The following CDH20 variants were observed in gnomAD, a reference collection of about 807,000 sequenced individuals.
CDH20 encodes cadherin-20.
In CDH20, 29 loss-of-function variants were observed where a neutral mutation model predicts 74.2. That is an observed-to-expected ratio of 0.39 (90% CI 0.29 to 0.53). CDH20 has a LOEUF of 0.53. Ranked by LOEUF, CDH20 falls within the 20% of genes least tolerant of loss-of-function variation. CDH20 has a pLI of 0.69. For missense variants in CDH20, 988 were observed against 1,048.3 expected, an observed-to-expected ratio of 0.94 and a Z score of 0.79; for synonymous variants, 469 against 405.4, an observed-to-expected ratio of 1.16 and a Z score of -1.88.
chr18:61,335,743 A>T (rs1909736703), intron 1 of CDH20, among the ~76,000 whole-genome samples: 1 of 152,272 alleles, frequency 6.6e-6, no homozygotes, highest in Admixed American at 6.5e-5. Flanking sequence ...CTGGGAAAGG[A>T]CAGTCTATAA....
intron 1 of CDH20, among the ~76,000 whole-genome samples, chr18:61,483,388 T>C (rs1330424408): frequency 6.6e-6 from 1 of 152,196 alleles, no homozygotes; most frequent in African/African-American, 2.4e-5. Context: ...TGATAGGAGT[T>C]GACCCCACCA....
At chr18:61,544,940 C>A (rs923130478) in intron 9 of CDH20, 87 bp from the exon 10 acceptor site, 4 of 829,890 alleles carry the variant, frequency 4.8e-6, no homozygotes, top group Non-Finnish European at 8.5e-6. Context: ...AACATCCCAC[C>A]ATCGCGTTTC....
chr18:61,362,897 C>T (rs1910746551), intron 1 of CDH20, among the ~76,000 whole-genome samples: 1 of 152,100 alleles, frequency 6.6e-6, no homozygotes, highest in African/African-American at 2.4e-5. Context: ...AATGTCATCA[C>T]TTTTGGCCAA....
chr18:61,380,575 TGAG>T (rs534852422), intron 1 of CDH20, among the ~76,000 whole-genome samples: 179 of 152,312 alleles, frequency 1.2e-3, no homozygotes, highest in African/African-American at 4.1e-3. Context: ...TTTGGGAGGC[TGAG>T]GTGGGTGGAT....
At chr18:61,461,799 T>C (rs1335110480) in intron 1 of CDH20, among the ~76,000 whole-genome samples, 2 of 152,162 alleles carry the variant, frequency 1.3e-5, no homozygotes, top group African/African-American at 2.4e-5. Context: ...GGTTTCCCAT[T>C]GGCCATTTGG....
chr18:61,506,855 C>T (rs773962857), intron 5 of CDH20, among the ~76,000 whole-genome samples: 10 of 152,126 alleles, frequency 6.6e-5, no homozygotes, highest in Non-Finnish European at 1.2e-4. Context: ...TTGCTCTCCA[C>T]GGCTGCCCCC....
chr18:61,517,390 C>A (rs935622698), intron 6 of CDH20, among the ~76,000 whole-genome samples: 1 of 152,180 alleles, frequency 6.6e-6, no homozygotes, highest in Admixed American at 6.5e-5. Flanking sequence ...AGGTACCCGG[C>A]TCATCTCAAT....
chr18:61,548,449 T>C (rs1364657662), intron 10 of CDH20, among the ~76,000 whole-genome samples: 1 of 152,174 alleles, frequency 6.6e-6, no homozygotes, highest in Non-Finnish European at 1.5e-5. Context: ...ATGTCCAAAT[T>C]GTGAAGATTG....
chr18:61,348,808 G>C (rs750088387), intron 1 of CDH20, among the ~76,000 whole-genome samples: 1 of 152,142 alleles, frequency 6.6e-6, no homozygotes, highest in African/African-American at 2.4e-5. Context: ...AGGCAAGATT[G>C]TGTGAAAAAG....
intron 1 of CDH20, among the ~76,000 whole-genome samples, chr18:61,438,968 T>C (rs1908932821): frequency 6.6e-6 from 1 of 152,140 alleles, no homozygotes; most frequent in African/African-American, 2.4e-5. Flanking sequence ...TGGATGCAGC[T>C]GGAGGCCATT....
intron 1 of CDH20, among the ~76,000 whole-genome samples, chr18:61,383,613 T>C (rs193248370): frequency 2.0e-5 from 3 of 151,998 alleles, no homozygotes; most frequent in Admixed American, 2.0e-4. Context: ...TACATTCTAA[T>C]GAAGGTCTGG....
chr18:61,531,891 T>C (rs147128945), intron 7 of CDH20, among the ~76,000 whole-genome samples: 23 of 152,344 alleles, frequency 1.5e-4, no homozygotes, highest in African/African-American at 5.3e-4. Context: ...CGATTGTAAG[T>C]GTGCTGAGGC....
In CDH20 at chr18:61,487,376, A is replaced by G. The variant is rs146777350; in HGVS notation, c.-152-3026A>G. On this transcript the variant is annotated intron_variant, in intron 1 of 11. Coordinates refer to ENST00000262717, the MANE Select transcript of CDH20 (RefSeq NM_031891.4). ...TTGTAAAAAACACCTCTAATTGTGA[A>G]AAGAATAATGCGACTATTGTATAAC... Among the ~76,000 whole-genome samples the G allele has an allele frequency of 7.9e-3, 1,211 of 152,368 alleles. 8 individuals carry two copies. Among genetic ancestry groups the G allele is most frequent in the Middle Eastern group, 0.031 (9 of 294 alleles).
intron 7 of CDH20, among the ~76,000 whole-genome samples, chr18:61,532,124 C>T (rs373214161): frequency 1.3e-5 from 2 of 152,146 alleles, no homozygotes; most frequent in African/African-American, 4.8e-5. Flanking sequence ...GGGCTTGATT[C>T]CCAGCAATGT....
chr18:61,407,732 A>G (rs1272480340), intron 1 of CDH20, among the ~76,000 whole-genome samples: 1 of 152,238 alleles, frequency 6.6e-6, no homozygotes, highest in Non-Finnish European at 1.5e-5. Flanking sequence ...CAGCAGATGA[A>G]CCTAAATTGG....
intron 8 of CDH20, among the ~76,000 whole-genome samples, chr18:61,537,598 CA>C (rs961028601): frequency 1.3e-5 from 2 of 152,054 alleles, no homozygotes; most frequent in Non-Finnish European, 2.9e-5. Context: ...ACTTCTGTGT[CA>C]GGGGGAGGGT....
intron 1 of CDH20, among the ~76,000 whole-genome samples, chr18:61,368,482 T>A (rs1367713600): frequency 6.6e-6 from 1 of 151,910 alleles, no homozygotes; most frequent in African/African-American, 2.4e-5. Flanking sequence ...TGACAACATA[T>A]GTTTGGGGGT....
intron 7 of CDH20, among the ~76,000 whole-genome samples, chr18:61,533,600 C>T (rs1912723618): frequency 3.3e-5 from 5 of 152,060 alleles, no homozygotes; most frequent in Admixed American, 3.3e-4. Context: ...CTGTTGTTTC[C>T]TTTGTTGTGC....
intron 1 of CDH20, among the ~76,000 whole-genome samples, chr18:61,343,828 GGGAAGCATATTTTATCCCAA>G (rs1208196088): frequency 6.6e-6 from 1 of 152,172 alleles, no homozygotes; most frequent in East Asian, 1.9e-4. Flanking sequence ...GTCAATGAGT[GGGAAGCATATTTTATCCCAA>G]GGAAGCATAT....
Sources: gnomAD v4.1 joint callset for allele counts (sites outside exome capture counted in the v4.1 genomes callset) on GRCh38, gnomAD v4.1.1 for gene constraint, MANE v1.5 for transcripts, NCBI Gene and HGNC (gene_info 2026-07-23, HGNC 2026-07-21) for gene names.